The following NR5A1 variants were observed in gnomAD, a reference collection of about 807,000 sequenced individuals.
The protein encoded by NR5A1 is steroidogenic factor 1.
Under a neutral mutation model 42.7 loss-of-function variants are expected in NR5A1, and 6 were observed. The ratio of observed to expected loss-of-function variants is 0.14; its 90% CI spans 0.08 to 0.28. NR5A1 has a LOEUF of 0.28. NR5A1 is among the 10% of genes least tolerant of loss of function. The pLI, the probability that NR5A1 is intolerant of heterozygous loss-of-function variation, is 1.00. For synonymous variants in NR5A1, 274 were observed against 277.5 expected (o/e 0.99, Z 0.12); for missense variants, 442 against 626.4 (o/e 0.71, Z 3.14).
chr9:124,505,955 G>A (rs1832551638), intron 1 of NR5A1, among the ~76,000 whole-genome samples: 1 of 150,042 alleles, frequency 6.7e-6, no homozygotes, highest in Middle Eastern at 3.4e-3. Context: ...GCTGGCACCT[G>A]GGGTCAGAGA....
In NR5A1 at chr9:124,500,255, C is replaced by G; in HGVS notation, c.705G>C (p.Pro235=). 1 of 1,596,182 alleles carries G rather than the reference C, an allele frequency of 6.3e-7. No individual in the cohort carries two copies. The change falls in exon 4 of 7, where the codon CCG becomes CCC. Residue 235 remains proline, a synonymous_variant. Coordinates refer to ENST00000373588, the MANE Select transcript of NR5A1 (RefSeq NM_004959.5). The surrounding 1 kb of genome is among the most constrained non-coding windows in gnomAD (Gnocchi z 6.9). ...TGCGGGCCCGCACCTGGTCCTCATC[C>G]GGCTCCAGCTGCAGCAGCTGCAGGA... ...ELILQLLQLE[P]DEDQVRARIL...
chr9:124,482,624 C>A lies in NR5A1; in HGVS notation c.*134G>T. 2.9e-6 allele frequency: 3 copies of A among 1,049,216 alleles called. No individual in the cohort carries two copies. Among genetic ancestry groups the A allele is most frequent in the Non-Finnish European group, 4.2e-6 (3 of 716,220 alleles). The allele number at this position is 1,049,216 out of a possible 1,614,324, so 65.0% of individuals were successfully genotyped here. ...CAGTGTCAGAACTCAGGGGCAGCGGCCTCTGGGACGGGGCTGGGGCTCCTC... is the reference window on the plus strand; with the variant it reads ...CAGTGTCAGAACTCAGGGGCAGCGGACTCTGGGACGGGGCTGGGGCTCCTC... On this transcript the variant is annotated 3_prime_UTR_variant, in exon 7 of 7. Transcript: ENST00000373588.
rs913567557 is a variant in NR5A1 at position 124,496,521 on chromosome 9, G to A, written c.871-3372C>T. Among the ~76,000 whole-genome samples, 1 of 152,082 alleles carries A rather than the reference G, an allele frequency of 6.6e-6. No homozygotes were observed. Among genetic ancestry groups the A allele is most frequent in the Non-Finnish European group, 1.5e-5 (1 of 68,018 alleles). On this transcript the variant is annotated intron_variant, in intron 4 of 6. Coordinates refer to ENST00000373588, the MANE Select transcript of NR5A1 (RefSeq NM_004959.5). This position sits in a 1 kb window ranked among gnomAD's most constrained non-coding sequence, Gnocchi z 5.0. ...GCTCTGCAGGCTGCCTCAGAGACCCGGTATTTATGGGTGCCAAGCTGACCT... is the reference window on the plus strand; with the variant it reads ...GCTCTGCAGGCTGCCTCAGAGACCCAGTATTTATGGGTGCCAAGCTGACCT...
At chr9:124,502,487 G>A (rs913476575) in intron 3 of NR5A1, among the ~76,000 whole-genome samples, 1 of 152,016 alleles carries the variant, frequency 6.6e-6, no homozygotes, top group Admixed American at 6.6e-5. Flanking sequence ...ATGTCACCAC[G>A]CCCAGCTACT....
chr9:124,506,206 A>G (rs1244030159), intron 1 of NR5A1, among the ~76,000 whole-genome samples: 3 of 152,212 alleles, frequency 2.0e-5, no homozygotes, highest in Non-Finnish European at 4.4e-5. Flanking sequence ...CTAGCTGTGC[A>G]AGCTCGGGCA....
At chr9:124,502,917 C>T (rs1411955251) in intron 3 of NR5A1, among the ~76,000 whole-genome samples, 162 bp downstream of exon 3, 1 of 152,210 alleles carries the variant, frequency 6.6e-6, no homozygotes, top group Non-Finnish European at 1.5e-5. Flanking sequence ...CGAGGCCCAC[C>T]CAGCGCCAGC....
intron 6 of NR5A1, 66 bp downstream of exon 6, chr9:124,491,015 T>TCCCCC: frequency 9.5e-6 from 6 of 634,816 alleles, no homozygotes; most frequent in East Asian, 7.7e-5. Flanking sequence ...CTCTCCAGCC[T>TCCCCC]CACCCACCCT....
intron 5 of NR5A1, 131 bp from the exon 6 acceptor site, chr9:124,491,359 C>CA (rs1832306440): frequency 7.0e-6 from 5 of 711,460 alleles, no homozygotes; most frequent in Non-Finnish European, 1.2e-5. Flanking sequence ...GTCAGGAGGG[C>CA]CCAGCCTTGG....
Position 124,500,154 on chromosome 9 carries a change from G to A in NR5A1, c.806C>T (p.Ala269Val), listed in dbSNP as rs780777430. 3 of 1,613,002 alleles carry A rather than the reference G, an allele frequency of 1.9e-6. No individual in the cohort carries two copies. The highest frequency in any genetic ancestry group is 2.5e-6 in the Non-Finnish European group (3 of 1,179,984). The change falls in exon 4 of 7, where the codon GCC becomes GTC. Residue 269 changes from alanine to valine, a missense_variant. Ala to Val is a moderately conservative substitution (Grantham distance 64). This residue lies in a region of NR5A1 where 163 missense variants were observed against 265.8 expected (regional missense o/e 0.61). Coordinates refer to ENST00000373588, the MANE Select transcript of NR5A1 (RefSeq NM_004959.5). This position sits in a 1 kb window ranked among gnomAD's most constrained non-coding sequence, Gnocchi z 6.9. ...CACGATGGAGATGAAGGTCTGGTCG[G>A]CCATTCTGCACAGGAGGCCGAAGGC... is the stretch of plus-strand genomic sequence containing the variant. ...PAAFGLLCRMADQTFISIVDW... is the reference protein window; with the variant it reads ...PAAFGLLCRMVDQTFISIVDW...
chr9:124,493,039 G>T lies in NR5A1; in HGVS notation c.981C>A (p.Thr327=), dbSNP rs141555967. Residue 327 remains threonine (T), a synonymous_variant, in exon 5 of 7, where the codon ACC becomes ACA. Transcript: ENST00000373588. ...CCGAGGGACTGGTCACCTCCTGCCC[G>T]GTGACCAGCAGGATGCTGCCCTCCT... ...HGKEGSILLV[T]GQEVELTTVA... is the part of the protein sequence containing the mutation. 82 of 1,600,614 alleles carry T rather than the reference G, an allele frequency of 5.1e-5. 1 individual carries two copies. The South Asian group carries it at 7.4e-4, about 14-fold the overall frequency.
chr9:124,506,131 C>T (rs1832555709), intron 1 of NR5A1, among the ~76,000 whole-genome samples: 1 of 152,242 alleles, frequency 6.6e-6, no homozygotes, highest in Non-Finnish European at 1.5e-5. Context: ...CAAGTTGTGG[C>T]CAGAGAACCC....
intron 3 of NR5A1, 90 bp downstream of exon 3, chr9:124,502,989 T>A: frequency 3.5e-6 from 5 of 1,424,986 alleles, no homozygotes; most frequent in Non-Finnish European, 1.9e-6. Flanking sequence ...CGAAGGCCAA[T>A]GGTACTATCC....
Position 124,500,149 on chromosome 9 carries a change from G to C in NR5A1, c.811C>G (p.Gln271Glu). 6.2e-7 allele frequency: 1 copy of C among 1,613,042 alleles called. No homozygotes were observed. The highest frequency in any genetic ancestry group is 8.5e-7 in the Non-Finnish European group (1 of 1,180,010). Reference protein sequence around the residue: ...AFGLLCRMADQTFISIVDWAR... With the variant: ...AFGLLCRMADETFISIVDWAR... ...CAGTCCACGATGGAGATGAAGGTCT[G>C]GTCGGCCATTCTGCACAGGAGGCCG... The change falls in exon 4 of 7, where the codon CAG becomes GAG. Residue 271 changes from glutamine (Q) to glutamate (E), a missense_variant. Around this residue, in one of 3 missense-constraint regions of NR5A1, gnomAD observed 163 missense variants for 265.8 expected, o/e 0.61. Coordinates refer to ENST00000373588, the MANE Select transcript of NR5A1 (RefSeq NM_004959.5). This position sits in a 1 kb window ranked among gnomAD's most constrained non-coding sequence, Gnocchi z 6.9.
Position 124,493,168 on chromosome 9 carries a change from C to CG in NR5A1, c.871-20dup. On this transcript the variant is annotated intron_variant, in intron 4 of 6. Transcript: ENST00000373588. The stretch of plus-strand genomic sequence containing the variant: ...CGGCCACCTGGAAGGAAGAGGCACG[C>CG]GGGGGGCCGGGCTCCAGCCAGGGTC... The CG allele has an allele frequency of 6.2e-7, 1 of 1,606,770 alleles. No homozygotes were observed. The highest frequency in any genetic ancestry group is 8.5e-7 in the Non-Finnish European group (1 of 1,176,388).
chr9:124,491,950 C>T (rs976585196), intron 5 of NR5A1, among the ~76,000 whole-genome samples: 6 of 152,102 alleles, frequency 3.9e-5, no homozygotes, highest in Non-Finnish European at 2.9e-5. Flanking sequence ...AGCCAGCCTG[C>T]GGACACCCAC....
intron 6 of NR5A1, 66 bp downstream of exon 6, chr9:124,491,015 T>TCGGGCCCC: frequency 1.6e-6 from 1 of 634,816 alleles, no homozygotes; most frequent in East Asian, 3.9e-5. Flanking sequence ...CTCTCCAGCC[T>TCGGGCCCC]CACCCACCCT....
chr9:124,494,446 A>G lies in NR5A1; in HGVS notation c.871-1297T>C, dbSNP rs577399357. ...GCCTCCTCTACAGATCCTCTACCTG[A>G]TCCCTCTCCTTCCTCGAGGCCCTCT... On this transcript the variant is annotated intron_variant, in intron 4 of 6. Transcript: ENST00000373588. Among the ~76,000 whole-genome samples the G allele has an allele frequency of 2.0e-5, 3 of 152,264 alleles. No homozygotes were observed. In the South Asian group the frequency reaches 6.2e-4, roughly 32 times the overall value.
chr9:124,502,234 G>A lies in NR5A1; in HGVS notation c.244+845C>T, dbSNP rs928547. Among the ~76,000 whole-genome samples the A allele has an allele frequency of 1.1e-3, 174 of 152,296 alleles. No individual in the cohort carries two copies. In the East Asian group the frequency reaches 0.021, roughly 18 times the overall value. The stretch of plus-strand genomic sequence containing the variant: ...TAGGCACCTTCAGCTTGCCTGCACC[G>A]ATCCCCACACTCACTCACTGGAGGA... On this transcript the variant is annotated intron_variant, in intron 3 of 6. Coordinates refer to ENST00000373588, the MANE Select transcript of NR5A1 (RefSeq NM_004959.5).
At chr9:124,497,682 A>G (rs1379571474) in intron 4 of NR5A1, among the ~76,000 whole-genome samples, 1 of 152,100 alleles carries the variant, frequency 6.6e-6, no homozygotes, top group Non-Finnish European at 1.5e-5. Flanking sequence ...CCCCGCAGCC[A>G]TCCATCACCC....
Sources: allele counts gnomAD v4.1 joint callset (sites outside exome capture counted in the v4.1 genomes callset), GRCh38; gene constraint gnomAD v4.1.1; regional missense constraint gnomAD v4.1.1; non-coding constraint Gnocchi (gnomAD v3.1); transcripts MANE v1.5; gene names NCBI Gene and HGNC (gene_info 2026-07-23, HGNC 2026-07-21).